The following SIGLECL1 variants were observed in gnomAD, a reference collection of about 807,000 sequenced individuals.
The protein encoded by SIGLECL1 is SIGLEC family-like protein 1.
A neutral mutation model predicts 19.1 loss-of-function variants in SIGLECL1; 16 were observed. The ratio of observed to expected loss-of-function variants is 0.84; its 90% CI spans 0.57 to 1.27. The LOEUF (loss-of-function observed/expected upper bound fraction) is 1.27, where lower values mean the gene tolerates loss of function less well. SIGLECL1 is among the 50% of genes most tolerant of loss of function. SIGLECL1 has a pLI of 0.00. For missense variants in SIGLECL1, 210 were observed against 239.4 expected, an observed-to-expected ratio of 0.88 and a Z score of 0.81; for synonymous variants, 89 against 90.4, an observed-to-expected ratio of 0.98 and a Z score of 0.09.
chr19:51,257,893 A>G (rs1982927435), intron 1 of SIGLECL1: 1 of 152,232 alleles, frequency 6.6e-6, no homozygotes, highest in Admixed American at 6.5e-5. Context: ...ACTGGACACA[A>G]GGCTTGGGTG....
chr19:51,258,006 T>A (rs945335541), intron 1 of SIGLECL1: 1 of 152,212 alleles, frequency 6.6e-6, no homozygotes, highest in Non-Finnish European at 1.5e-5. Flanking sequence ...ACTAGAAGCT[T>A]TGTGTGGGGA....
intron 5 of SIGLECL1, 73 bp from the exon 6 acceptor site, chr19:51,268,498 G>A: frequency 6.5e-7 from 1 of 1,540,240 alleles, no homozygotes; most frequent in Non-Finnish European, 9.0e-7. Flanking sequence ...GTCTTTTTAA[G>A]ATTTGGATAC....
rs114173157 is a variant in SIGLECL1, at chr19:51,258,244, G to T, written c.-190-5639G>T. On this transcript the variant is annotated intron_variant, in intron 1 of 5. Transcript: ENST00000601727. ...ATCTTCAGTTGGTGTCAGAAATGAG[G>T]GGATCTTGTGGACCATTCCCTAACT... is the stretch of plus-strand genomic sequence containing the variant. Among the ~76,000 whole-genome samples, 1,495 of 152,200 alleles carry T rather than the reference G, an allele frequency of 9.8e-3. 22 individuals are homozygous for T. The highest frequency in any genetic ancestry group is 0.035 in the African/African-American group (1,449 of 41,522).
chr19:51,260,824 G>A (rs998984716), intron 1 of SIGLECL1, among the ~76,000 whole-genome samples: 5 of 152,120 alleles, frequency 3.3e-5, no homozygotes, highest in Non-Finnish European at 7.4e-5. Flanking sequence ...ATTAAGATTT[G>A]TCTTATGATC....
intron 1 of SIGLECL1, among the ~76,000 whole-genome samples, chr19:51,254,497 C>A (rs1982684207): frequency 6.6e-6 from 1 of 152,068 alleles, no homozygotes; most frequent in South Asian, 2.1e-4. Context: ...CATGAATTAG[C>A]CTTGAAAGCA....
At chr19:51,267,319 T>C (rs1983752318) in intron 4 of SIGLECL1, 54 bp from the exon 5 acceptor site, 3 of 1,587,102 alleles carry the variant, frequency 1.9e-6, no homozygotes, top group African/African-American at 1.4e-5. Context: ...TAGAGCCCAT[T>C]TGGGGATTCA....
At chr19:51,258,013 G>A (rs1376099950) in intron 1 of SIGLECL1, 2 of 152,196 alleles carry the variant, frequency 1.3e-5, no homozygotes, top group Non-Finnish European at 2.9e-5. Flanking sequence ...GCTTTGTGTG[G>A]GGAACTTCTG....
chr19:51,262,116 CT>C (rs1428724486), intron 1 of SIGLECL1, among the ~76,000 whole-genome samples: 2 of 152,192 alleles, frequency 1.3e-5, no homozygotes, highest in African/African-American at 4.8e-5. Flanking sequence ...TTAATGGTAT[CT>C]TTTGATGCAG....
intron 1 of SIGLECL1, among the ~76,000 whole-genome samples, chr19:51,261,132 C>T (rs1385385337): frequency 6.6e-6 from 1 of 152,050 alleles, no homozygotes; most frequent in African/African-American, 2.4e-5. Context: ...TACTTTATTC[C>T]TGTTAATGTC....
rs117406524 is a variant in SIGLECL1 at position 51,257,782 on chromosome 19, C to T, written c.-190-6101C>T. 3.3e-5 allele frequency: 5 copies of T among 152,314 alleles called. No individual in the cohort carries two copies. The East Asian group carries it at 9.6e-4, about 29-fold the overall frequency. 9.4% of individuals were successfully genotyped at this position (152,314 alleles called of 1,614,324 possible). A position where few individuals can be genotyped will look rare whatever the true frequency, so the allele number is the denominator to read the frequency against. On this transcript the variant is annotated intron_variant, in intron 1 of 5. Coordinates refer to ENST00000601727, the MANE Select transcript of SIGLECL1 (RefSeq NM_001385465.1). ...CTAACAATGTGATTTAGAATAGGGG[C>T]TTTGGATCAAATGGTATCAGCTCAA...
At chr19:51,254,833 T>G (rs540386564) in intron 1 of SIGLECL1, among the ~76,000 whole-genome samples, 2 of 152,178 alleles carry the variant, frequency 1.3e-5, no homozygotes, top group African/African-American at 4.8e-5. Flanking sequence ...AAAAAATTAA[T>G]TATAAAAAGG....
intron 5 of SIGLECL1, among the ~76,000 whole-genome samples, chr19:51,268,273 T>C (rs1188491801): frequency 6.6e-6 from 1 of 152,118 alleles, no homozygotes; most frequent in African/African-American, 2.4e-5. Flanking sequence ...AGCCAGGAGT[T>C]ACGGTGGTGC....
chr19:51,246,629 G>A (rs533711930), upstream of SIGLECL1, among the ~76,000 whole-genome samples: 8 of 152,262 alleles, frequency 5.3e-5, no homozygotes, highest in South Asian at 1.7e-3. Context: ...TACAAAGGCT[G>A]GAATGTAACA....
At position 51,264,063 on chromosome 19, in the gene SIGLECL1, G is replaced by A; in HGVS notation, c.-10G>A. ...TCTGCTGTTCCTGAGAACTGTTGCT[G>A]CTGGAAGTGATGCTTCCACTGCTAC... On this transcript the variant is annotated 5_prime_UTR_variant, in exon 2 of 6. Coordinates refer to ENST00000601727, the MANE Select transcript of SIGLECL1 (RefSeq NM_001385465.1). The A allele has an allele frequency of 6.2e-7, 1 of 1,614,042 alleles. No homozygotes were observed. The highest frequency in any genetic ancestry group is 8.5e-7 in the Non-Finnish European group (1 of 1,179,952).
rs74462590 is a variant in SIGLECL1, at chr19:51,265,838, G to A, written c.366G>A (p.Ala122=). The A allele has an allele frequency of 3.3e-5, 54 of 1,614,136 alleles. No homozygotes were observed. The African/African-American group carries it at 6.4e-4, about 19-fold the overall frequency. The change falls in exon 4 of 6, where the codon GCG becomes GCA. Residue 122 remains alanine (A), a synonymous_variant. Transcript: ENST00000601727. ...GGCTGATCCAGGGTGCTATCTATGCGGGAATTGTAATTGCGCTGCTCTTCC... is the reference window on the plus strand; with the variant it reads ...GGCTGATCCAGGGTGCTATCTATGCAGGAATTGTAATTGCGCTGCTCTTCC... ...VKGLIQGAIY[A]GIVIALLFLC...
At chr19:51,253,176 A>G (rs1363326501) in intron 1 of SIGLECL1, among the ~76,000 whole-genome samples, 1 of 152,166 alleles carries the variant, frequency 6.6e-6, no homozygotes, top group Non-Finnish European at 1.5e-5. Flanking sequence ...AACCTAATAC[A>G]TAGTAACTAA....
At chr19:51,265,191 C>A (rs923875498) in intron 2 of SIGLECL1, among the ~76,000 whole-genome samples, 177 bp from the exon 3 acceptor site, 1 of 152,126 alleles carries the variant, frequency 6.6e-6, no homozygotes, top group African/African-American at 2.4e-5. Context: ...CAGGTTCAGG[C>A]CAGATGAGGA....
intron 1 of SIGLECL1, among the ~76,000 whole-genome samples, chr19:51,252,007 A>G (rs1005375052): frequency 2.6e-5 from 4 of 152,222 alleles, no homozygotes; most frequent in African/African-American, 9.6e-5. Context: ...ATGGTGGTCA[A>G]GGAAAATAGG....
At chr19:51,252,341 G>A (rs537514751) in intron 1 of SIGLECL1, among the ~76,000 whole-genome samples, 1 of 151,970 alleles carries the variant, frequency 6.6e-6, no homozygotes, top group African/African-American at 2.4e-5. Context: ...TATAATGGGT[G>A]CATGACGAGT....
Sources: allele counts gnomAD v4.1 joint callset (sites outside exome capture counted in the v4.1 genomes callset), GRCh38; gene constraint gnomAD v4.1.1; transcripts MANE v1.5; gene names NCBI Gene and HGNC (gene_info 2026-07-23, HGNC 2026-07-21).